Variants in CNTNAP2 observed in about 807,000 individuals in gnomAD.
CNTNAP2 encodes contactin associated protein 2.
In CNTNAP2, 98 loss-of-function variants were observed where a neutral mutation model predicts 155.2. The ratio of observed to expected loss-of-function variants is 0.63; its 90% CI spans 0.54 to 0.75. CNTNAP2 has a LOEUF of 0.75. Among genes scored for constraint, CNTNAP2 ranks in the 30% least tolerant of loss-of-function variants. The pLI, the probability that CNTNAP2 is intolerant of heterozygous loss-of-function variation, is 0.00. For missense variants in CNTNAP2, 1,727 were observed against 1,688.1 expected (o/e 1.02, Z -0.40); for synonymous variants, 651 against 631.2 (o/e 1.03, Z -0.47).
chr7:146,929,928 A>G (rs563565161), intron 3 of CNTNAP2, among the ~76,000 whole-genome samples: 3 of 152,324 alleles, frequency 2.0e-5, no homozygotes, highest in East Asian at 3.9e-4. Context: ...TCCAAGAAAT[A>G]TGGGACTATG....
chr7:147,981,819 T>TGTGTGTGTGTGG (rs1404450002), intron 15 of CNTNAP2, among the ~76,000 whole-genome samples: 8 of 113,678 alleles, frequency 7.0e-5, no homozygotes, highest in African/African-American at 2.3e-4. Context: ...GTGTGTGTGG[T>TGTGTGTGTGTGG]TTTTTTTTTC....
chr7:146,597,394 T>C (rs1374407567), intron 1 of CNTNAP2, among the ~76,000 whole-genome samples: 2 of 152,018 alleles, frequency 1.3e-5, no homozygotes, highest in African/African-American at 2.4e-5. Context: ...TGAGAGTCCA[T>C]AATGGCAATT....
chr7:147,494,505 A>C (rs1413428161), intron 11 of CNTNAP2, among the ~76,000 whole-genome samples: 1 of 149,700 alleles, frequency 6.7e-6, no homozygotes, highest in Non-Finnish European at 1.5e-5. Context: ...GCAAATGCAT[A>C]TTGAAAAGCA....
chr7:146,507,951 G>C (rs949864116), intron 1 of CNTNAP2, among the ~76,000 whole-genome samples: 1 of 152,152 alleles, frequency 6.6e-6, no homozygotes, highest in Non-Finnish European at 1.5e-5. Context: ...TATGGGCCAA[G>C]TCCATCACAC....
Position 146,685,510 on chromosome 7 carries a change from T to C in CNTNAP2, c.98-88761T>C, listed in dbSNP as rs115058213. On this transcript the variant is annotated intron_variant, in intron 1 of 23. Coordinates refer to ENST00000361727, the MANE Select transcript of CNTNAP2 (RefSeq NM_014141.6). ...TAAAAGGGTGGGAGAACCAAAAAAATACATCCTTTCTCAGATATGACTTTT... is the reference window on the plus strand; with the variant it reads ...TAAAAGGGTGGGAGAACCAAAAAAACACATCCTTTCTCAGATATGACTTTT... Among the ~76,000 whole-genome samples, 712 of 152,294 alleles carry C rather than the reference T, an allele frequency of 4.7e-3. 8 individuals are homozygous for C. The highest frequency in any genetic ancestry group is 0.016 in the African/African-American group (685 of 41,570).
At chr7:146,124,770 G>GT (rs1563130983) in intron 1 of CNTNAP2, among the ~76,000 whole-genome samples, 1 of 152,022 alleles carries the variant, frequency 6.6e-6, no homozygotes, top group African/African-American at 2.4e-5. Context: ...TGATTCGGGT[G>GT]TTTTTTTCTA....
At chr7:147,057,168 A>G (rs1343423878) in intron 4 of CNTNAP2, among the ~76,000 whole-genome samples, 1 of 152,164 alleles carries the variant, frequency 6.6e-6, no homozygotes, top group East Asian at 1.9e-4. Flanking sequence ...TTGCTGTAAA[A>G]TAAATCATTT....
chr7:148,272,657 C>T (rs958958684), intron 21 of CNTNAP2, among the ~76,000 whole-genome samples: 2 of 152,046 alleles, frequency 1.3e-5, no homozygotes, highest in Admixed American at 6.6e-5. Flanking sequence ...AAAATATATA[C>T]AATCACCTAA....
chr7:147,062,127 C>A (rs1584812504), intron 4 of CNTNAP2, among the ~76,000 whole-genome samples: 7 of 44,932 alleles, frequency 1.6e-4, no homozygotes, highest in South Asian at 2.4e-3. Flanking sequence ...GACTCCGTCT[C>A]AAAAAAAAAA....
chr7:146,905,302 A>G (rs1487381078), intron 3 of CNTNAP2, among the ~76,000 whole-genome samples: 1 of 151,960 alleles, frequency 6.6e-6, no homozygotes, highest in Non-Finnish European at 1.5e-5. Context: ...GCCTTCACCT[A>G]CCACACCTTT....
chr7:146,660,682 G>A (rs1228428608), intron 1 of CNTNAP2, among the ~76,000 whole-genome samples: 4 of 152,090 alleles, frequency 2.6e-5, no homozygotes, highest in African/African-American at 4.8e-5. Flanking sequence ...GGTTAGAAAC[G>A]CTTTATATTA....
chr7:147,588,006 G>T (rs1800664362), intron 12 of CNTNAP2, among the ~76,000 whole-genome samples: 1 of 151,978 alleles, frequency 6.6e-6, no homozygotes, highest in Non-Finnish European at 1.5e-5. Context: ...TGAGACAATT[G>T]ATCTAGATAA....
intron 3 of CNTNAP2, among the ~76,000 whole-genome samples, chr7:146,895,273 T>TTTCCTTCC: frequency 6.9e-6 from 1 of 145,900 alleles, no homozygotes; most frequent in African/African-American, 2.6e-5. Context: ...CCCTTCCTTC[T>TTTCCTTCC]TTCCTTCCTT....
intron 1 of CNTNAP2, among the ~76,000 whole-genome samples, chr7:146,654,099 C>T (rs1341714237): frequency 6.6e-6 from 1 of 151,864 alleles, no homozygotes; most frequent in Non-Finnish European, 1.5e-5. Flanking sequence ...CTTTTTCTTA[C>T]CCATTTGGTC....
chr7:146,855,179 T>C (rs1289000599), intron 3 of CNTNAP2, among the ~76,000 whole-genome samples: 1 of 152,156 alleles, frequency 6.6e-6, no homozygotes, highest in African/African-American at 2.4e-5. Flanking sequence ...AAAGGTTGTT[T>C]ATACACTCTT....
chr7:146,703,367 A>G (rs1800910228), intron 1 of CNTNAP2, among the ~76,000 whole-genome samples: 1 of 152,162 alleles, frequency 6.6e-6, no homozygotes, highest in Admixed American at 6.6e-5. Context: ...GCAGAAATCA[A>G]ACTGTGGAAA....
Position 146,156,704 on chromosome 7 carries a change from G to A in CNTNAP2, c.97+39731G>A, listed in dbSNP as rs193285559. 3.7e-4 allele frequency among the ~76,000 whole-genome samples: 57 copies of A among 152,252 alleles called. 1 individual carries two copies. The highest frequency in any genetic ancestry group is 1.3e-3 in the African/African-American group (55 of 41,568). On this transcript the variant is annotated intron_variant, in intron 1 of 23. Coordinates refer to ENST00000361727, the MANE Select transcript of CNTNAP2 (RefSeq NM_014141.6). ...TATAACCTCTGCCTCCAGGGTTCAA[G>A]TGACTCTCCTGCCTCAGCCTCCTGA...
chr7:146,214,120 G>C (rs1799078530), intron 1 of CNTNAP2, among the ~76,000 whole-genome samples: 1 of 152,050 alleles, frequency 6.6e-6, no homozygotes, highest in South Asian at 2.1e-4. Context: ...TAAAATTTTT[G>C]AATAAGACAT....
intron 1 of CNTNAP2, among the ~76,000 whole-genome samples, chr7:146,663,882 T>C: frequency 6.7e-6 from 1 of 150,222 alleles, no homozygotes; most frequent in African/African-American, 2.5e-5. Context: ...TTTGTAGAGT[T>C]ATTACATTGA....
Sources: gnomAD v4.1 joint callset for allele counts (sites outside exome capture counted in the v4.1 genomes callset) on GRCh38, gnomAD v4.1.1 for gene constraint, MANE v1.5 for transcripts, NCBI Gene and HGNC (gene_info 2026-07-23, HGNC 2026-07-21) for gene names.